Variants in SCRN1 observed in about 807,000 individuals in gnomAD.
SCRN1 encodes the protein secernin 1.
Under a neutral mutation model 43.3 loss-of-function variants are expected in SCRN1, and 19 were observed. The ratio of observed to expected loss-of-function variants is 0.44; its 90% CI spans 0.31 to 0.64. The LOEUF is 0.64. Ranked by LOEUF, SCRN1 falls within the 30% of genes least tolerant of loss-of-function variation. The pLI is 0.09. For missense variants in SCRN1, 447 were observed against 524.1 expected (o/e 0.85, Z 1.44); for synonymous variants, 183 against 188.9 (o/e 0.97, Z 0.26).
At chr7:29,982,347 G>A (rs1789014505) in intron 1 of SCRN1, among the ~76,000 whole-genome samples, 1 of 152,026 alleles carries the variant, frequency 6.6e-6, no homozygotes, top group African/African-American at 2.4e-5. Flanking sequence ...CATCACACAC[G>A]TATTATGTCC....
chr7:29,930,192 T>C (rs1032414846), intron 6 of SCRN1, among the ~76,000 whole-genome samples: 2 of 152,128 alleles, frequency 1.3e-5, no homozygotes, highest in African/African-American at 4.8e-5. Context: ...AATAAGGTTA[T>C]CTAAAAAATA....
rs564521872 is a variant in SCRN1, at chr7:29,933,051, A to AT, written c.905+3504dup. ...ACCACCACGCCTGGCTAATTTTTGT[A>AT]TTTTTTTTAGTAGAGACAGGGTTTC... On this transcript the variant is annotated intron_variant, in intron 6 of 7. Coordinates refer to ENST00000242059, the MANE Select transcript of SCRN1 (RefSeq NM_014766.5). Among the ~76,000 whole-genome samples the AT allele has an allele frequency of 2.5e-3, 375 of 151,164 alleles. 6 individuals are homozygous for AT. The highest frequency in any genetic ancestry group is 8.7e-3 in the African/African-American group (360 of 41,164).
chr7:29,949,950 G>A (rs1412282340), intron 3 of SCRN1, among the ~76,000 whole-genome samples: 4 of 152,236 alleles, frequency 2.6e-5, no homozygotes, highest in Non-Finnish European at 5.9e-5. Context: ...GGTGATAGCA[G>A]TGGTGGCCCA....
intron 6 of SCRN1, among the ~76,000 whole-genome samples, chr7:29,934,067 T>C (rs1374059801): frequency 6.6e-6 from 1 of 152,164 alleles, no homozygotes; most frequent in Non-Finnish European, 1.5e-5. Context: ...AACTGAAATG[T>C]TGAATAGAAA....
At chr7:29,948,840 G>A (rs529176479) in intron 3 of SCRN1, among the ~76,000 whole-genome samples, 1 of 152,302 alleles carries the variant, frequency 6.6e-6, no homozygotes, top group East Asian at 1.9e-4. Context: ...ACCCCTCACA[G>A]TGGGAGTATT....
intron 3 of SCRN1, chr7:29,947,239 G>A (rs1332928126): frequency 6.4e-7 from 1 of 1,550,662 alleles, no homozygotes; most frequent in Non-Finnish European, 8.7e-7. Context: ...TAGTTTTATA[G>A]GAAAATCTTT....
At chr7:29,966,127 G>C (rs1228586539) in intron 2 of SCRN1, among the ~76,000 whole-genome samples, 1 of 150,414 alleles carries the variant, frequency 6.6e-6, no homozygotes, top group Non-Finnish European at 1.5e-5. Context: ...CACACAGAGA[G>C]AGAGAGAGAC....
chr7:29,990,080 C>T (rs1332307635), upstream of SCRN1: 7 of 1,534,744 alleles, frequency 4.6e-6, no homozygotes, highest in African/African-American at 1.4e-5. Flanking sequence ...CTTCAAGGAG[C>T]CAGGCCCAGC....
rs1786764660 is a variant in SCRN1, at chr7:29,921,686, T to C, written c.*2271A>G. 1 of 152,252 alleles carries C rather than the reference T, an allele frequency of 6.6e-6. No homozygotes were observed. The highest frequency in any genetic ancestry group is 2.1e-4 in the South Asian group (1 of 4,834). 9.4% of individuals were successfully genotyped at this position (152,252 alleles called of 1,614,324 possible). A position where few individuals can be genotyped will look rare whatever the true frequency, so the allele number is the denominator to read the frequency against. On this transcript the variant is annotated 3_prime_UTR_variant, in exon 8 of 8. Transcript: ENST00000242059. ...AGCCAAGACAGCTCTCAATTAGGGT[T>C]GCCTTCTTTAAGATGCTTGACCAAG...
intron 2 of SCRN1, among the ~76,000 whole-genome samples, chr7:29,962,759 G>A (rs1788369371): frequency 6.6e-6 from 1 of 152,070 alleles, no homozygotes; most frequent in African/African-American, 2.4e-5. Flanking sequence ...GAATAGATGG[G>A]TTTTTATGAA....
In SCRN1 at chr7:29,969,014, C is replaced by T. The variant is rs1437187472; in HGVS notation, c.54G>A (p.Lys18=). The T allele has an allele frequency of 6.2e-7, 1 of 1,614,094 alleles. No individual in the cohort carries two copies. The change falls in exon 2 of 8, where the codon AAG becomes AAA. Residue 18 remains lysine, a synonymous_variant. Coordinates refer to ENST00000242059, the MANE Select transcript of SCRN1 (RefSeq NM_014766.5). The stretch of plus-strand genomic sequence containing the variant: ...TTTTCCCAAATACCACCAGACCATC[C>T]TTAGCACGTGGAGGGAAGGCAACAA... ...YCFVAFPPRA[K]DGLVVFGKNS...
chr7:29,963,698 C>T (rs780363124), intron 2 of SCRN1, among the ~76,000 whole-genome samples: 6 of 152,182 alleles, frequency 3.9e-5, no homozygotes, highest in Admixed American at 6.5e-5. Flanking sequence ...CAAGGTTCTC[C>T]ACAGCTGCAC....
chr7:29,932,646 C>T (rs1288780576), intron 6 of SCRN1, among the ~76,000 whole-genome samples: 2 of 71,358 alleles, frequency 2.8e-5, no homozygotes, highest in African/African-American at 6.1e-5. Context: ...AGTGAGATTC[C>T]ATCTCAAAAA....
intron 1 of SCRN1, among the ~76,000 whole-genome samples, chr7:29,981,342 A>G (rs1001115497): frequency 1.8e-4 from 27 of 152,216 alleles, no homozygotes; most frequent in African/African-American, 6.5e-4. Flanking sequence ...ACTATGTTCA[A>G]CTGCAGGGAA....
At chr7:29,935,054 A>C (rs73686276) in intron 6 of SCRN1, among the ~76,000 whole-genome samples, 1 of 152,320 alleles carries the variant, frequency 6.6e-6, no homozygotes, top group African/African-American at 2.4e-5. Flanking sequence ...TCCTCTGTGA[A>C]GTTTTCCCCT....
intron 3 of SCRN1, among the ~76,000 whole-genome samples, chr7:29,946,608 G>A (rs1006065917): frequency 1.3e-5 from 2 of 152,202 alleles, no homozygotes; most frequent in Non-Finnish European, 2.9e-5. Flanking sequence ...TGAGGCCCTA[G>A]ACTTGCACTT....
At chr7:29,979,483 GT>G (rs1174268877) in intron 1 of SCRN1, among the ~76,000 whole-genome samples, 1 of 152,098 alleles carries the variant, frequency 6.6e-6, no homozygotes, top group Non-Finnish European at 1.5e-5. Flanking sequence ...GAATCTGTAG[GT>G]ACGCAATGAC....
intron 2 of SCRN1, among the ~76,000 whole-genome samples, chr7:29,961,058 CTTTTTTT>C (rs200892857): frequency 7.6e-6 from 1 of 131,648 alleles, no homozygotes; most frequent in East Asian, 2.4e-4. Context: ...GATCTTATTT[CTTTTTTT>C]TTTTTTTTTT....
intron 3 of SCRN1, among the ~76,000 whole-genome samples, chr7:29,951,021 T>C (rs963797750): frequency 2.6e-5 from 4 of 152,220 alleles, no homozygotes; most frequent in African/African-American, 7.2e-5. Flanking sequence ...CCCCCACCAT[T>C]TGCAAAATTG....
Sources: allele counts gnomAD v4.1 joint callset (sites outside exome capture counted in the v4.1 genomes callset), GRCh38; gene constraint gnomAD v4.1.1; transcripts MANE v1.5; gene names NCBI Gene and HGNC (gene_info 2026-07-23, HGNC 2026-07-21).